ANKS1B: variants seen among roughly 807,000 people sequenced by gnomAD.
ANKS1B encodes ankyrin repeat and sterile alpha motif domain-containing protein 1B.
In ANKS1B, 36 loss-of-function variants were observed where a neutral mutation model predicts 148.3. The observed-to-expected ratio is 0.24, with a 90% confidence interval of 0.19 to 0.32. The LOEUF (loss-of-function observed/expected upper bound fraction) is 0.32. Among genes scored for constraint, ANKS1B ranks in the 10% least tolerant of loss-of-function variants. The pLI, the probability that ANKS1B is intolerant of heterozygous loss-of-function variation, is 1.00. For synonymous variants in ANKS1B, 542 were observed against 560.8 expected, an observed-to-expected ratio of 0.97 and a Z score of 0.47; for missense variants, 1,157 against 1,542.6, an observed-to-expected ratio of 0.75 and a Z score of 4.19.
rs1388359797 is a variant in ANKS1B, at chr12:99,590,786, GC to G, written c.1272+64280del. 7.2e-5 allele frequency among the ~76,000 whole-genome samples: 11 copies of G among 152,230 alleles called. No individual in the cohort carries two copies. In the East Asian group the frequency reaches 2.1e-3, roughly 29 times the overall value. ...GTTATTTCCGAATAAGGGTTTGTAG[GC>G]AATTTCTTTTTCAAATTTACTTCAG... On this transcript the variant is annotated intron_variant, in intron 9 of 26. Coordinates refer to ENST00000683438, the MANE Select transcript of ANKS1B (RefSeq NM_001352186.2).
intron 10 of ANKS1B, among the ~76,000 whole-genome samples, chr12:99,452,772 A>G (rs907498344): frequency 3.3e-5 from 5 of 152,230 alleles, no homozygotes; most frequent in African/African-American, 1.2e-4. Context: ...AAGGTTTGTT[A>G]AAAAGTAACA....
intron 12 of ANKS1B, among the ~76,000 whole-genome samples, chr12:99,338,077 C>T (rs546907597): frequency 1.3e-5 from 2 of 152,186 alleles, no homozygotes; most frequent in South Asian, 2.1e-4. Context: ...AGTCAGAAGG[C>T]GGTGAATCCA....
chr12:99,894,501 C>G (rs144079197), intron 1 of ANKS1B, among the ~76,000 whole-genome samples: 3,978 of 126,198 alleles, frequency 0.032, 184 homozygotes, highest in African/African-American at 0.11. Context: ...AGAGCGGGAC[C>G]CTGTCTCAAA....
At chr12:99,144,044 G>A (rs765936625) in intron 15 of ANKS1B, among the ~76,000 whole-genome samples, 1 of 152,070 alleles carries the variant, frequency 6.6e-6, no homozygotes, top group Non-Finnish European at 1.5e-5. Flanking sequence ...TACATACTGT[G>A]TAACATTTGT....
At chr12:99,329,291 T>C (rs1422490889) in intron 12 of ANKS1B, among the ~76,000 whole-genome samples, 3 of 151,910 alleles carry the variant, frequency 2.0e-5, no homozygotes. Context: ...GAAAACACAG[T>C]TCCTGAAGAC....
intron 15 of ANKS1B, 53 bp downstream of exon 15, chr12:99,154,236 T>C: frequency 6.2e-7 from 1 of 1,605,264 alleles, no homozygotes; most frequent in Non-Finnish European, 8.5e-7. Context: ...GTAAGACACA[T>C]AAGAAGCAAA....
intron 17 of ANKS1B, among the ~76,000 whole-genome samples, chr12:98,932,603 T>C (rs531028145): frequency 6.6e-6 from 1 of 152,274 alleles, no homozygotes; most frequent in Non-Finnish European, 1.5e-5. Context: ...TGTCTTTGGG[T>C]TTTTGATAAT....
intron 17 of ANKS1B, among the ~76,000 whole-genome samples, chr12:98,982,760 T>A (rs1367921090): frequency 6.6e-6 from 1 of 152,248 alleles, no homozygotes; most frequent in Admixed American, 6.5e-5. Flanking sequence ...CATCACTGTA[T>A]GGAATTCTAT....
rs1158333807 is a variant in ANKS1B at position 98,829,838 on chromosome 12, C to A, written c.2887-485G>T. Among the ~76,000 whole-genome samples the A allele has an allele frequency of 6.6e-6, 1 of 152,196 alleles. No individual in the cohort carries two copies. The highest frequency in any genetic ancestry group is 2.4e-5 in the African/African-American group (1 of 41,452). ...CACAGCATGTCACACGCACAGACTGCAGAGCAGTGCATGCTACGACAGAGG... is the reference window on the plus strand; with the variant it reads ...CACAGCATGTCACACGCACAGACTGAAGAGCAGTGCATGCTACGACAGAGG... On this transcript the variant is annotated intron_variant, in intron 18 of 26. Transcript: ENST00000683438. The surrounding 1 kb of genome is among the most constrained non-coding windows in gnomAD (Gnocchi z 5.2).
intron 15 of ANKS1B, among the ~76,000 whole-genome samples, chr12:99,141,766 T>A (rs1183990857): frequency 6.6e-6 from 1 of 152,138 alleles, no homozygotes; most frequent in African/African-American, 2.4e-5. Context: ...TTATCATACC[T>A]TTTCATGGCT....
intron 4 of ANKS1B, among the ~76,000 whole-genome samples, chr12:99,805,887 C>T (rs749607557): frequency 1.3e-5 from 2 of 152,072 alleles, no homozygotes; most frequent in African/African-American, 2.4e-5. Flanking sequence ...ATTCACATCC[C>T]GGTTTTATCA....
intron 12 of ANKS1B, among the ~76,000 whole-genome samples, chr12:99,319,699 G>A (rs2084867357): frequency 6.6e-6 from 1 of 152,190 alleles, no homozygotes. Context: ...ATTGTTATGT[G>A]TGAATTTGAC....
intron 8 of ANKS1B, among the ~76,000 whole-genome samples, chr12:99,678,047 TA>T (rs2098591281): frequency 6.6e-6 from 1 of 152,066 alleles, no homozygotes; most frequent in Non-Finnish European, 1.5e-5. Context: ...AACACTTCAA[TA>T]AGGGAGAATA....
chr12:99,742,379 A>G (rs901548076), intron 8 of ANKS1B, among the ~76,000 whole-genome samples: 6 of 152,150 alleles, frequency 3.9e-5, no homozygotes, highest in Admixed American at 2.0e-4. Flanking sequence ...GAGTATTCAC[A>G]CACAAAAAAT....
intron 17 of ANKS1B, among the ~76,000 whole-genome samples, chr12:99,041,124 GA>G (rs1221841198): frequency 2.6e-5 from 4 of 152,106 alleles, no homozygotes; most frequent in African/African-American, 7.2e-5. Flanking sequence ...GGAGGTTTGA[GA>G]AAAAATTCTT....
At chr12:99,003,324 T>A (rs1270975444) in intron 17 of ANKS1B, among the ~76,000 whole-genome samples, 2 of 152,210 alleles carry the variant, frequency 1.3e-5, no homozygotes, top group African/African-American at 4.8e-5. Flanking sequence ...GGCTTTTGTA[T>A]TTCCATATAA....
chr12:98,877,502 T>G (rs752907419), intron 17 of ANKS1B, among the ~76,000 whole-genome samples: 6 of 152,230 alleles, frequency 3.9e-5, no homozygotes, highest in Non-Finnish European at 8.8e-5. Context: ...AAATCCAAAT[T>G]AGCTTTCTTC....
At chr12:99,894,508 CAAAAAAAAA>C (rs777618998) in intron 1 of ANKS1B, among the ~76,000 whole-genome samples, 7 of 64,266 alleles carry the variant, frequency 1.1e-4, no homozygotes, top group African/African-American at 4.0e-4. Flanking sequence ...GACCCTGTCT[CAAAAAAAAA>C]AAAAAAAAAA....
intron 1 of ANKS1B, among the ~76,000 whole-genome samples, chr12:99,938,681 C>T (rs2094841057): frequency 1.3e-5 from 2 of 152,170 alleles, no homozygotes; most frequent in African/African-American, 4.8e-5. Context: ...CAGCCAGACC[C>T]TTTTGTAAGA....
Sources: allele counts gnomAD v4.1 joint callset (sites outside exome capture counted in the v4.1 genomes callset), GRCh38; gene constraint gnomAD v4.1.1; non-coding constraint Gnocchi (gnomAD v3.1); transcripts MANE v1.5; gene names NCBI Gene and HGNC (gene_info 2026-07-23, HGNC 2026-07-21).